The following EDN3 variants were observed in gnomAD, a reference collection of about 807,000 sequenced individuals.
EDN3 encodes endothelin 3, also known as endothelin-3.
A neutral mutation model predicts 21.4 loss-of-function variants in EDN3; 9 were observed. The ratio of observed to expected loss-of-function variants is 0.42; its 90% confidence interval spans 0.25 to 0.73. The LOEUF (loss-of-function observed/expected upper bound fraction) is 0.73. Ranked by LOEUF, EDN3 falls within the 30% of genes least tolerant of loss-of-function variation. The pLI is 0.26. For missense variants in EDN3, 327 were observed against 309.4 expected (o/e 1.06, Z -0.43); for synonymous variants, 133 against 126.2 (o/e 1.05, Z -0.36).
rs1988923699 is a variant in EDN3 at position 59,300,630 on chromosome 20, G to C, written c.-183G>C. On this transcript the variant is annotated 5_prime_UTR_variant, in exon 1 of 5. Coordinates refer to ENST00000337938, the MANE Select transcript of EDN3 (RefSeq NM_207034.3). ...AGCTCCGCGCAGGGATGGGCAGCGC[G>C]CTCTGAAAGTTTATGACCGCCGCAG... 3 of 624,138 alleles carry C rather than the reference G, an allele frequency of 4.8e-6. No individual in the cohort carries two copies. Among genetic ancestry groups the C allele is most frequent in the South Asian group, 3.9e-5 (2 of 51,124 alleles). 38.7% of individuals were successfully genotyped at this position (624,138 alleles called of 1,614,324 possible).
intron 2 of EDN3, among the ~76,000 whole-genome samples, chr20:59,315,360 T>C (rs759343948): frequency 1.3e-5 from 2 of 152,264 alleles, no homozygotes; most frequent in Non-Finnish European, 2.9e-5. Context: ...CACAGAGCCA[T>C]GCTTTCTGTA....
intron 1 of EDN3, 62 bp from the exon 2 acceptor site, chr20:59,301,348 G>A (rs1040852981): frequency 7.0e-5 from 111 of 1,576,262 alleles, no homozygotes; most frequent in Non-Finnish European, 9.0e-5. Context: ...GGTGTTTGGG[G>A]GTGGCGGGTG....
chr20:59,301,447 G>T lies in EDN3; in HGVS notation c.90G>T (p.Arg30Ser). Reference protein sequence around the residue: ...VPCSQSGDAGRRGVSQAPTAA... With the variant: ...VPCSQSGDAGSRGVSQAPTAA... ...GCTCCCAGTCTGGGGATGCTGGCAG[G>T]CGCGGCGTGTCCCAGGCCCCCACTG... The change falls in exon 2 of 5, where the codon AGG (arginine) becomes AGT (serine). Residue 30 changes from arginine (R) to serine (S), a missense_variant. Arg to Ser is a moderately radical substitution (Grantham distance 110). Coordinates refer to ENST00000337938, the MANE Select transcript of EDN3 (RefSeq NM_207034.3). The T allele has an allele frequency of 6.2e-7, 1 of 1,613,080 alleles. No individual in the cohort carries two copies.
chr20:59,323,861 GC>G, intron 4 of EDN3: 1 of 485,618 alleles, frequency 2.1e-6, no homozygotes, highest in Non-Finnish European at 3.6e-6. Flanking sequence ...TTCAAAAGAT[GC>G]AATTGGTGGT....
intron 2 of EDN3, among the ~76,000 whole-genome samples, chr20:59,304,189 C>T (rs770623363): frequency 4.6e-5 from 7 of 150,962 alleles, no homozygotes; most frequent in Non-Finnish European, 7.4e-5. Context: ...TTTAAAATAT[C>T]TCAGGCAAGA....
intron 2 of EDN3, among the ~76,000 whole-genome samples, chr20:59,315,093 T>C (rs1485198359): frequency 6.6e-6 from 1 of 152,240 alleles, no homozygotes; most frequent in African/African-American, 2.4e-5. Flanking sequence ...TAAATAAAGG[T>C]GATTGACATT....
intron 2 of EDN3, among the ~76,000 whole-genome samples, chr20:59,316,533 G>T (rs1404440054): frequency 6.6e-6 from 1 of 152,208 alleles, no homozygotes; most frequent in Non-Finnish European, 1.5e-5. Context: ...TGATCAGAAA[G>T]ATGGAGAGTG....
intron 4 of EDN3, chr20:59,323,613 T>A: frequency 2.5e-6 from 1 of 399,250 alleles, no homozygotes; most frequent in South Asian, 1.3e-4. Flanking sequence ...GTAGGAAGCG[T>A]GGGGTGGTTG....
chr20:59,321,283 G>A, intron 3 of EDN3, 90 bp downstream of exon 3: 9 of 1,445,742 alleles, frequency 6.2e-6, no homozygotes, highest in Non-Finnish European at 7.8e-6. Flanking sequence ...GAGGGTGTAG[G>A]ATAGTTCAGT....
chr20:59,321,569 G>A (rs893917324), intron 3 of EDN3, among the ~76,000 whole-genome samples: 2 of 152,064 alleles, frequency 1.3e-5, no homozygotes, highest in East Asian at 1.9e-4. Context: ...TAGCCTTCTC[G>A]AAAATAGCCC....
intron 2 of EDN3, among the ~76,000 whole-genome samples, chr20:59,304,411 C>T (rs1989253217): frequency 6.6e-6 from 1 of 152,226 alleles, no homozygotes; most frequent in Non-Finnish European, 1.5e-5. Flanking sequence ...GTCTCCCTCT[C>T]CAAACTTCTC....
intron 3 of EDN3, among the ~76,000 whole-genome samples, chr20:59,321,422 G>A (rs1344811108): frequency 2.6e-5 from 4 of 152,238 alleles, no homozygotes. Context: ...TTTTGGAACA[G>A]AAGCTTCACA....
At chr20:59,311,388 TG>T (rs1989800713) in intron 2 of EDN3, among the ~76,000 whole-genome samples, 1 of 152,190 alleles carries the variant, frequency 6.6e-6, no homozygotes, top group South Asian at 2.1e-4. Context: ...AGCAGTGGTA[TG>T]GGCTGCTTGA....
chr20:59,303,754 G>C (rs1418553376), intron 2 of EDN3, among the ~76,000 whole-genome samples: 2 of 152,194 alleles, frequency 1.3e-5, no homozygotes, highest in Non-Finnish European at 2.9e-5. Context: ...TTTCGAGTTT[G>C]TCCTGAAATG....
chr20:59,321,146 T>C lies in EDN3; in HGVS notation c.495T>C (p.Tyr165=), dbSNP rs575758752. The C allele has an allele frequency of 6.8e-6, 11 of 1,614,184 alleles. No individual in the cohort carries two copies. The African/African-American group carries it at 1.3e-4, about 20-fold the overall frequency. Residue 165 remains tyrosine, a synonymous_variant, in exon 3 of 5, where the codon TAT becomes TAC. Transcript: ENST00000337938. Reference sequence around the variant, plus strand: ...TGCGCTGCGCTTGTGTGGGGAGATATGACAAGGCCTGCCTGCACTTTTGCA... The same window carrying C: ...TGCGCTGCGCTTGTGTGGGGAGATACGACAAGGCCTGCCTGCACTTTTGCA... ...PHLRCACVGR[Y]DKACLHFCTQ... is the part of the protein sequence containing the mutation.
At chr20:59,310,647 G>T (rs1025377982) in intron 2 of EDN3, among the ~76,000 whole-genome samples, 1 of 152,114 alleles carries the variant, frequency 6.6e-6, no homozygotes, top group Non-Finnish European at 1.5e-5. Context: ...GACTTGGTGG[G>T]AGCTCTTAAT....
intron 2 of EDN3, among the ~76,000 whole-genome samples, chr20:59,319,136 T>C (rs1990367448): frequency 6.6e-6 from 1 of 152,166 alleles, no homozygotes; most frequent in Non-Finnish European, 1.5e-5. Flanking sequence ...TGAGCACAGA[T>C]GGCTCATCAG....
At chr20:59,301,763 C>T (rs369698217) in intron 2 of EDN3, 41 bp downstream of exon 2, 136 of 1,604,162 alleles carry the variant, frequency 8.5e-5, no homozygotes, top group Admixed American at 8.0e-4. Context: ...GCTCCCGGAC[C>T]AGGCCCACAT....
chr20:59,311,542 C>A (rs538076171), intron 2 of EDN3, among the ~76,000 whole-genome samples: 1 of 151,880 alleles, frequency 6.6e-6, no homozygotes, highest in South Asian at 2.1e-4. Context: ...ACTGTCATGG[C>A]GCTGGTGGGA....
Sources: allele counts gnomAD v4.1 joint callset (sites outside exome capture counted in the v4.1 genomes callset), GRCh38; gene constraint gnomAD v4.1.1; transcripts MANE v1.5; gene names NCBI Gene and HGNC (gene_info 2026-07-23, HGNC 2026-07-21).